Variants in CTNNA3 observed in about 807,000 individuals in gnomAD.
The protein encoded by CTNNA3 is catenin alpha 3, also known as catenin alpha-3.
In CTNNA3, 76 loss-of-function variants were observed where a neutral mutation model predicts 95.7. The observed-to-expected ratio is 0.79, with a 90% CI of 0.66 to 0.96. CTNNA3 has a LOEUF of 0.96. Among genes scored for constraint, CTNNA3 ranks in the 40% least tolerant of loss-of-function variants. The pLI is 0.00. For synonymous variants in CTNNA3, 431 were observed against 374.4 expected (o/e 1.15, Z -1.74); for missense variants, 1,191 against 1,089.8 (o/e 1.09, Z -1.31).
At chr10:66,560,811 T>TA (rs1271359377) in intron 10 of CTNNA3, among the ~76,000 whole-genome samples, 2 of 151,816 alleles carry the variant, frequency 1.3e-5, no homozygotes, top group Non-Finnish European at 2.9e-5. Context: ...CATGCGTCTA[T>TA]AAAAAAAGAA....
intron 7 of CTNNA3, among the ~76,000 whole-genome samples, chr10:67,076,732 C>T (rs1027497925): frequency 2.6e-5 from 4 of 152,012 alleles, no homozygotes; most frequent in Admixed American, 2.0e-4. Context: ...ATTTAGGTAA[C>T]GGGGAAAATA....
intron 11 of CTNNA3, among the ~76,000 whole-genome samples, chr10:66,406,318 T>C (rs558604984): frequency 6.6e-6 from 1 of 152,258 alleles, no homozygotes; most frequent in Admixed American, 6.5e-5. Context: ...CTGTTTTTCA[T>C]CACCACCACA....
chr10:67,586,426 T>A (rs779129832), intron 3 of CTNNA3, among the ~76,000 whole-genome samples: 1 of 152,152 alleles, frequency 6.6e-6, no homozygotes, highest in South Asian at 2.1e-4. Flanking sequence ...TCCCCTAATA[T>A]TACCATATTG....
At chr10:66,173,472 C>G (rs1028896864) in intron 13 of CTNNA3, among the ~76,000 whole-genome samples, 1 of 151,830 alleles carries the variant, frequency 6.6e-6, no homozygotes, top group African/African-American at 2.4e-5. Flanking sequence ...ATTGCTTGAA[C>G]CCAGGAGTTT....
chr10:66,107,016 A>C (rs1264610943), intron 13 of CTNNA3, among the ~76,000 whole-genome samples: 1 of 152,152 alleles, frequency 6.6e-6, no homozygotes, highest in African/African-American at 2.4e-5. Context: ...CATGTAAGAG[A>C]TCTCTTTTAA....
chr10:67,762,984 C>T (rs891806073), intron 1 of CTNNA3, among the ~76,000 whole-genome samples: 13 of 152,070 alleles, frequency 8.5e-5, no homozygotes, highest in Non-Finnish European at 1.5e-5. Context: ...TCGGGGAGCT[C>T]GGTTTTTCAG....
At chr10:66,382,146 C>G (rs1029432323) in intron 11 of CTNNA3, among the ~76,000 whole-genome samples, 1 of 152,228 alleles carries the variant, frequency 6.6e-6, no homozygotes, top group Non-Finnish European at 1.5e-5. Context: ...ACCCGGGAAG[C>G]ACAAGGGGTC....
intron 7 of CTNNA3, among the ~76,000 whole-genome samples, chr10:66,911,191 A>G (rs1005530529): frequency 3.3e-5 from 5 of 152,254 alleles, no homozygotes. Flanking sequence ...ATTCAACATT[A>G]ATAAAGACCG....
chr10:66,147,783 A>AGTGT (rs2083976204), intron 13 of CTNNA3, among the ~76,000 whole-genome samples: 1 of 6,092 alleles, frequency 1.6e-4, no homozygotes, highest in Non-Finnish European at 3.6e-4. Flanking sequence ...TAGTATGTAT[A>AGTGT]GTATGTATGT....
intron 11 of CTNNA3, among the ~76,000 whole-genome samples, chr10:66,508,683 A>T (rs1840550025): frequency 6.6e-6 from 1 of 152,124 alleles, no homozygotes; most frequent in Non-Finnish European, 1.5e-5. Context: ...AATGTCATCC[A>T]GTTCTATGCA....
chr10:67,077,455 A>G (rs1020033307), intron 7 of CTNNA3, among the ~76,000 whole-genome samples: 4 of 151,998 alleles, frequency 2.6e-5, no homozygotes, highest in African/African-American at 7.3e-5. Flanking sequence ...ATCCTGCCAT[A>G]TCCCTGTAGT....
chr10:67,106,966 A>T (rs1387265495), intron 7 of CTNNA3, among the ~76,000 whole-genome samples: 3 of 152,194 alleles, frequency 2.0e-5, no homozygotes, highest in Admixed American at 1.3e-4. Context: ...AAATTCAAGA[A>T]CTAAGTTTAA....
intron 7 of CTNNA3, among the ~76,000 whole-genome samples, chr10:67,058,405 C>G (rs1438404294): frequency 6.6e-6 from 1 of 152,174 alleles, no homozygotes; most frequent in Non-Finnish European, 1.5e-5. Flanking sequence ...AAGTCCACCA[C>G]AGGTACAATT....
At chr10:67,240,085 T>C (rs1053963310) in intron 5 of CTNNA3, among the ~76,000 whole-genome samples, 1 of 152,180 alleles carries the variant, frequency 6.6e-6, no homozygotes, top group Non-Finnish European at 1.5e-5. Context: ...CAGAGCTACA[T>C]ACAAATTACT....
intron 11 of CTNNA3, among the ~76,000 whole-genome samples, chr10:66,426,263 A>G (rs1344831384): frequency 6.6e-6 from 1 of 152,052 alleles, no homozygotes; most frequent in Non-Finnish European, 1.5e-5. Flanking sequence ...TGACTGTGTC[A>G]TAGGGTACTC....
intron 5 of CTNNA3, among the ~76,000 whole-genome samples, chr10:67,260,229 A>G (rs180960381): frequency 1.3e-5 from 2 of 152,138 alleles, no homozygotes; most frequent in Admixed American, 1.3e-4. Context: ...AGAGTGGGCA[A>G]GAACCTAGCT....
At chr10:67,562,592 C>T (rs1407360194) in intron 3 of CTNNA3, among the ~76,000 whole-genome samples, 11 of 152,180 alleles carry the variant, frequency 7.2e-5, no homozygotes, top group African/African-American at 2.6e-4. Context: ...ACAGGGATGC[C>T]CTCTCTCACC....
At chr10:66,165,036 C>T (rs2085053778) in intron 13 of CTNNA3, among the ~76,000 whole-genome samples, 1 of 152,038 alleles carries the variant, frequency 6.6e-6, no homozygotes, top group Non-Finnish European at 1.5e-5. Flanking sequence ...ATACAATACC[C>T]TAAATGAAAA....
At chr10:66,309,455 G>A (rs1162057196) in intron 12 of CTNNA3, among the ~76,000 whole-genome samples, 3 of 151,762 alleles carry the variant, frequency 2.0e-5, no homozygotes, top group Non-Finnish European at 4.4e-5. Context: ...CACTTTGGGA[G>A]GCCAAGGCGG....
Sources: gnomAD v4.1 joint callset for allele counts (sites outside exome capture counted in the v4.1 genomes callset) on GRCh38, gnomAD v4.1.1 for gene constraint, MANE v1.5 for transcripts, NCBI Gene and HGNC (gene_info 2026-07-23, HGNC 2026-07-21) for gene names.